The following VPS37B variants were observed in gnomAD, a reference collection of about 807,000 sequenced individuals.
VPS37B encodes VPS37B subunit of ESCRT-I.
VPS37B carries 11 observed loss-of-function variants against 21.2 expected under a neutral mutation model. That is an observed-to-expected ratio of 0.52 (90% CI 0.33 to 0.86). The LOEUF (loss-of-function observed/expected upper bound fraction) is 0.86. VPS37B is among the 40% of genes least tolerant of loss of function. The pLI, the probability that VPS37B is intolerant of heterozygous loss-of-function variation, is 0.03. For missense variants in VPS37B, 389 were observed against 374.8 expected (o/e 1.04, Z -0.31); for synonymous variants, 175 against 159.6 (o/e 1.10, Z -0.73).
Position 122,867,316 on chromosome 12 carries a change from C to T in VPS37B, c.658G>A (p.Ala220Thr). The change falls in exon 4 of 4, where the codon GCC becomes ACC. Residue 220 changes from alanine to threonine, a missense_variant. Coordinates refer to ENST00000267202, the MANE Select transcript of VPS37B (RefSeq NM_024667.3). The surrounding 1 kb of genome is among the most constrained non-coding windows in gnomAD (Gnocchi z 5.5). ...PPPPVPAGRL[A>T]TPFTAAMSSG... ...CTCATGGCCGCAGTAAACGGGGTGG[C>T]TAAGCGTCCCGCAGGCACCGGGGGT... The T allele has an allele frequency of 1.4e-6, 2 of 1,445,782 alleles. No homozygotes were observed. The highest frequency in any genetic ancestry group is 2.3e-5 in the East Asian group (1 of 42,932). 89.6% of individuals were successfully genotyped at this position (1,445,782 alleles called of 1,614,324 possible).
In VPS37B at chr12:122,866,296, T is replaced by C. The variant is rs1019080657; in HGVS notation, c.*820A>G. 1 of 152,648 alleles carries C rather than the reference T, an allele frequency of 6.6e-6. No homozygotes were observed. Among genetic ancestry groups the C allele is most frequent in the Non-Finnish European group, 1.5e-5 (1 of 68,038 alleles). 9.5% of individuals were successfully genotyped at this position (152,648 alleles called of 1,614,324 possible). On this transcript the variant is annotated 3_prime_UTR_variant, in exon 4 of 4. Coordinates refer to ENST00000267202, the MANE Select transcript of VPS37B (RefSeq NM_024667.3). ...GACAGTATCTGCATTTTTTATAAAA[T>C]TTCCCTGAATGGTCTTGGGAGTGTC...
intron 1 of VPS37B, chr12:122,873,051 C>T (rs1235936457): frequency 6.6e-6 from 1 of 152,268 alleles, no homozygotes; most frequent in African/African-American, 2.4e-5. Context: ...ACCCCATGCA[C>T]ACAACACCCT....
At chr12:122,871,327 C>A (rs1019676063) in intron 1 of VPS37B, 118 of 1,183,310 alleles carry the variant, frequency 1.0e-4, no homozygotes, top group Non-Finnish European at 1.2e-4. Flanking sequence ...CCATGCAGAG[C>A]CTTCCCTGCC....
chr12:122,890,047 C>G (rs2034390823), intron 1 of VPS37B: 1 of 152,196 alleles, frequency 6.6e-6, no homozygotes, highest in Non-Finnish European at 1.5e-5. Context: ...GAAGAGCACA[C>G]TGAGGGCAGA....
At chr12:122,894,891 T>C (rs2034467687) in intron 1 of VPS37B, among the ~76,000 whole-genome samples, 1 of 152,146 alleles carries the variant, frequency 6.6e-6, no homozygotes, top group Non-Finnish European at 1.5e-5. Context: ...ACCCCCATTT[T>C]AACTTCTTCC....
intron 1 of VPS37B, chr12:122,886,379 A>G (rs1464314054): frequency 6.6e-6 from 1 of 152,222 alleles, no homozygotes; most frequent in Non-Finnish European, 1.5e-5. Flanking sequence ...CCAACACTCG[A>G]GAGGCCAAGG....
chr12:122,867,982 A>C lies in VPS37B; in HGVS notation c.367-375T>G, dbSNP rs2033943690. Reference sequence around the variant, plus strand: ...ACAGACTCGCCCTGGGTGGGTAAGCAAGACAGAAACACCTGTGCCCCCAGG... The same window carrying C: ...ACAGACTCGCCCTGGGTGGGTAAGCCAGACAGAAACACCTGTGCCCCCAGG... On this transcript the variant is annotated intron_variant, in intron 3 of 3. Coordinates refer to ENST00000267202, the MANE Select transcript of VPS37B (RefSeq NM_024667.3). The surrounding 1 kb of genome is among the most constrained non-coding windows in gnomAD (Gnocchi z 5.5). 6.6e-6 allele frequency among the ~76,000 whole-genome samples: 1 copy of C among 152,196 alleles called. No individual in the cohort carries two copies. The highest frequency in any genetic ancestry group is 2.4e-5 in the African/African-American group (1 of 41,448).
At chr12:122,888,994 C>T (rs1411962332) in intron 1 of VPS37B, 3 of 177,502 alleles carry the variant, frequency 1.7e-5, no homozygotes, top group Non-Finnish European at 2.4e-5. Context: ...CTCCCCTCCC[C>T]GCTCACCAGA....
At chr12:122,879,258 A>G (rs1208064698) in intron 1 of VPS37B, 1 of 152,320 alleles carries the variant, frequency 6.6e-6, no homozygotes, top group Non-Finnish European at 1.5e-5. Context: ...CTTGAAAACC[A>G]CTGTCTATCC....
intron 1 of VPS37B, chr12:122,885,384 A>G (rs1031216045): frequency 6.6e-6 from 1 of 152,208 alleles, no homozygotes; most frequent in African/African-American, 2.4e-5. Flanking sequence ...GAATGGTTAT[A>G]TAAATGACAT....
intron 1 of VPS37B, chr12:122,884,503 G>C (rs914865260): frequency 5.3e-5 from 8 of 152,130 alleles, no homozygotes; most frequent in Non-Finnish European, 1.2e-4. Context: ...TGAAATCATA[G>C]AACTATTGTA....
Position 122,892,359 on chromosome 12 carries a change from G to GT in VPS37B, c.111+3592dup, listed in dbSNP as rs766437023. 9.9e-5 allele frequency among the ~76,000 whole-genome samples: 15 copies of GT among 152,264 alleles called. 1 individual carries two copies. In the East Asian group the frequency reaches 1.7e-3, roughly 18 times the overall value. ...ACTCACACGCCACAATTAAAACAAT[G>GT]TAAGTGACGCATAATGAACAGCTGC... On this transcript the variant is annotated intron_variant, in intron 1 of 3. Coordinates refer to ENST00000267202, the MANE Select transcript of VPS37B (RefSeq NM_024667.3).
intron 1 of VPS37B, chr12:122,882,182 C>T (rs1236552698): frequency 2.0e-5 from 3 of 151,990 alleles, no homozygotes; most frequent in African/African-American, 7.2e-5. Flanking sequence ...TGGATAAATG[C>T]TTGGTTCTTT....
At chr12:122,880,227 T>C (rs1469310692) in intron 1 of VPS37B, 2 of 152,234 alleles carry the variant, frequency 1.3e-5, no homozygotes, top group East Asian at 3.8e-4. Flanking sequence ...AGTAACGTCA[T>C]GGGTTGATAC....
chr12:122,893,575 G>A (rs376154695), intron 1 of VPS37B, among the ~76,000 whole-genome samples: 3 of 152,044 alleles, frequency 2.0e-5, no homozygotes, highest in South Asian at 2.1e-4. Flanking sequence ...CAAAAATTTC[G>A]GTTCACATTA....
chr12:122,888,626 C>T (rs1393195729), intron 1 of VPS37B: 1 of 455,962 alleles, frequency 2.2e-6, no homozygotes, highest in Non-Finnish European at 4.4e-6. Flanking sequence ...ACTCTGCATA[C>T]GACCGACCGG....
At position 122,867,226 on chromosome 12, in the gene VPS37B, G is replaced by T. The variant is rs1253091003; in HGVS notation, c.748C>A (p.Pro250Thr). Residue 250 changes from proline to threonine, a missense_variant, in exon 4 of 4, where the codon CCC becomes ACC. Pro to Thr is a conservative substitution (Grantham distance 38). Transcript: ENST00000267202. This position sits in a 1 kb window ranked among gnomAD's most constrained non-coding sequence, Gnocchi z 5.5. Reference protein sequence around the residue: ...CPPLPPRVGLPTQQGFSSQFV... With the variant: ...CPPLPPRVGLTTQQGFSSQFV... ...TGCGAAGAGAATCCTTGCTGAGTGG[G>T]GAGGCCCACGCGGGGGGGCAGGGGC... 1 of 1,574,140 alleles carries T rather than the reference G, an allele frequency of 6.4e-7. No individual in the cohort carries two copies. The highest frequency in any genetic ancestry group is 8.6e-7 in the Non-Finnish European group (1 of 1,163,458).
intron 1 of VPS37B, among the ~76,000 whole-genome samples, chr12:122,894,269 A>G (rs937910302): frequency 1.3e-5 from 2 of 152,240 alleles, no homozygotes; most frequent in African/African-American, 4.8e-5. Flanking sequence ...TCCAAAATGG[A>G]AGGTGCCACA....
Position 122,868,057 on chromosome 12 carries a change from C to A in VPS37B, c.366+423G>T, listed in dbSNP as rs2033945061. 1.3e-5 allele frequency among the ~76,000 whole-genome samples: 2 copies of A among 152,226 alleles called. No individual in the cohort carries two copies. Among genetic ancestry groups the A allele is most frequent in the Admixed American group, 6.5e-5 (1 of 15,282 alleles). On this transcript the variant is annotated intron_variant, in intron 3 of 3. Transcript: ENST00000267202. The surrounding 1 kb of genome is among the most constrained non-coding windows in gnomAD (Gnocchi z 5.5). The stretch of plus-strand genomic sequence containing the variant: ...CCTATCTTGGCAAGACCCTGCCGGC[C>A]CCAGCCTGCAACAACTGCACAACAT...
Sources: gnomAD v4.1 joint callset for allele counts (sites outside exome capture counted in the v4.1 genomes callset) on GRCh38, gnomAD v4.1.1 for gene constraint, Gnocchi (gnomAD v3.1) non-coding constraint, MANE v1.5 for transcripts, NCBI Gene and HGNC (gene_info 2026-07-23, HGNC 2026-07-21) for gene names.